Variants in TENM3 observed in about 807,000 individuals in gnomAD.
TENM3 encodes the protein teneurin transmembrane protein 3.
Under a neutral mutation model 255.1 loss-of-function variants are expected in TENM3, and 63 were observed. The ratio of observed to expected loss-of-function variants is 0.25; its 90% CI spans 0.20 to 0.30. The LOEUF is 0.30. Among genes scored for constraint, TENM3 ranks in the 10% least tolerant of loss-of-function variants. The pLI, the probability that TENM3 is intolerant of heterozygous loss-of-function variation, is 1.00. For synonymous variants in TENM3, 1,306 were observed against 1,322.3 expected (o/e 0.99, Z 0.27); for missense variants, 2,929 against 3,461.1 (o/e 0.85, Z 3.86).
intron 12 of TENM3, among the ~76,000 whole-genome samples, chr4:182,692,693 G>T (rs1320621982): frequency 6.6e-6 from 1 of 152,166 alleles, no homozygotes; most frequent in Non-Finnish European, 1.5e-5. Flanking sequence ...GAGTCAGAAA[G>T]CATATTTAAA....
intron 2 of TENM3, among the ~76,000 whole-genome samples, chr4:182,337,344 A>G (rs1397642907): frequency 1.3e-5 from 2 of 152,212 alleles, no homozygotes; most frequent in Non-Finnish European, 2.9e-5. Flanking sequence ...CTACAAATCA[A>G]CAACAAAAGA....
At chr4:181,477,380 T>A in the TENM3 span, among the ~76,000 whole-genome samples, 1 of 152,114 alleles carries the variant, frequency 6.6e-6, no homozygotes, top group African/African-American at 2.4e-5. Flanking sequence ...CTGCCATATA[T>A]ACTCAGAGGA....
intron 3 of TENM3, among the ~76,000 whole-genome samples, chr4:182,595,951 ATT>A (rs1747177196): frequency 6.6e-6 from 1 of 151,686 alleles, no homozygotes; most frequent in Admixed American, 6.6e-5. Context: ...TTAAAGGTAG[ATT>A]TTAAATATCA....
intron 5 of TENM3, 61 bp downstream of exon 5, chr4:182,628,950 C>T (rs1164300401): frequency 1.1e-5 from 11 of 988,770 alleles, no homozygotes; most frequent in Middle Eastern, 2.1e-4. Flanking sequence ...TGTTTTATTA[C>T]TTGTATTTAT....
the TENM3 span, among the ~76,000 whole-genome samples, chr4:182,064,499 C>T: frequency 3.4e-4 from 51 of 152,114 alleles, no homozygotes; most frequent in African/African-American, 1.2e-3. Context: ...AGGAGAATGG[C>T]GTGAACCCGG....
At chr4:182,767,030 A>G (rs1763774596) in intron 22 of TENM3, among the ~76,000 whole-genome samples, 1 of 152,012 alleles carries the variant, frequency 6.6e-6, no homozygotes, top group Admixed American at 6.5e-5. Flanking sequence ...CAGGCAGGGG[A>G]GTATCAGGTG....
At chr4:182,155,415 C>T (rs898640025) in intron 1 of TENM3, among the ~76,000 whole-genome samples, 4 of 151,930 alleles carry the variant, frequency 2.6e-5, no homozygotes, top group East Asian at 1.9e-4. Flanking sequence ...TTCTGTTCTG[C>T]GTCATCTTCT....
the TENM3 span, among the ~76,000 whole-genome samples, chr4:181,744,829 A>G: frequency 1.3e-5 from 2 of 152,208 alleles, no homozygotes; most frequent in African/African-American, 4.8e-5. Flanking sequence ...CTGAGCAACT[A>G]GAAGGATGGA....
intron 1 of TENM3, among the ~76,000 whole-genome samples, chr4:182,160,540 C>T: frequency 6.6e-6 from 1 of 152,168 alleles, no homozygotes; most frequent in East Asian, 1.9e-4. Flanking sequence ...CACAGAATTA[C>T]TTAGCATTTG....
chr4:182,354,142 A>T (rs1166598634), intron 3 of TENM3, among the ~76,000 whole-genome samples: 1 of 152,186 alleles, frequency 6.6e-6, no homozygotes, highest in Non-Finnish European at 1.5e-5. Context: ...GCAGTTTGCT[A>T]TGCTTCACAT....
At chr4:181,950,217 C>G in the TENM3 span, among the ~76,000 whole-genome samples, 3 of 152,056 alleles carry the variant, frequency 2.0e-5, no homozygotes, top group Non-Finnish European at 4.4e-5. Flanking sequence ...GAGCACCTTA[C>G]GACCCCCACT....
the TENM3 span, among the ~76,000 whole-genome samples, chr4:182,128,498 C>G: frequency 0.01 from 1,547 of 152,168 alleles, 19 homozygotes; most frequent in African/African-American, 0.035. Context: ...CAGCCACCAG[C>G]GCCTGGCCTG....
At chr4:181,878,360 G>A in the TENM3 span, among the ~76,000 whole-genome samples, 1 of 151,974 alleles carries the variant, frequency 6.6e-6, no homozygotes. Flanking sequence ...GAAGAGGGAG[G>A]AACGGAATTG....
intron 3 of TENM3, among the ~76,000 whole-genome samples, chr4:182,539,894 A>C (rs952828984): frequency 6.6e-6 from 1 of 152,236 alleles, no homozygotes; most frequent in Non-Finnish European, 1.5e-5. Context: ...GAGATGTCAG[A>C]TAGACTGCTG....
intron 1 of TENM3, among the ~76,000 whole-genome samples, chr4:182,283,410 C>G (rs1236851517): frequency 1.3e-5 from 2 of 152,162 alleles, no homozygotes; most frequent in African/African-American, 4.8e-5. Context: ...TCTGCATAGT[C>G]CCAGATGAGA....
the TENM3 span, among the ~76,000 whole-genome samples, chr4:182,098,087 C>T: frequency 6.6e-6 from 1 of 152,100 alleles, no homozygotes; most frequent in Non-Finnish European, 1.5e-5. Context: ...AAAAAAAGCT[C>T]AACATTACTA....
intron 22 of TENM3, among the ~76,000 whole-genome samples, chr4:182,771,266 C>CAA (rs1051817294): frequency 1.3e-5 from 2 of 152,068 alleles, no homozygotes; most frequent in African/African-American, 4.8e-5. Context: ...TATAAACCAG[C>CAA]AAAAGGGTCA....
intron 3 of TENM3, among the ~76,000 whole-genome samples, chr4:182,512,527 A>G (rs754544285): frequency 2.0e-5 from 3 of 152,238 alleles, no homozygotes; most frequent in Non-Finnish European, 2.9e-5. Flanking sequence ...AAATGTCACT[A>G]CTAGGAGCAT....
chr4:182,417,005 C>G (rs1280126236), intron 3 of TENM3, among the ~76,000 whole-genome samples: 5 of 152,010 alleles, frequency 3.3e-5, no homozygotes, highest in East Asian at 1.9e-4. Context: ...ACCGAGTCTC[C>G]CTCTGTCGCC....
Sources: gnomAD v4.1 joint callset for allele counts (sites outside exome capture counted in the v4.1 genomes callset) on GRCh38, gnomAD v4.1.1 for gene constraint, MANE v1.5 for transcripts, NCBI Gene and HGNC (gene_info 2026-07-23, HGNC 2026-07-21) for gene names.